The following CACNA2D3 variants were observed in gnomAD, a reference collection of about 807,000 sequenced individuals.
CACNA2D3 encodes the protein calcium voltage-gated channel auxiliary subunit alpha2delta 3.
Under a neutral mutation model 160.6 loss-of-function variants are expected in CACNA2D3, and 60 were observed. The observed-to-expected ratio is 0.37, with a 90% CI of 0.30 to 0.46. The LOEUF (loss-of-function observed/expected upper bound fraction) is 0.46. Ranked by LOEUF, CACNA2D3 falls within the 20% of genes least tolerant of loss-of-function variation. The probability of loss-of-function intolerance (pLI) is 1.00; values close to 1 mark genes in which losing one functional copy is unlikely to be tolerated. For synonymous variants in CACNA2D3, 558 were observed against 492.9 expected (o/e 1.13, Z -1.75); for missense variants, 1,205 against 1,365.0 (o/e 0.88, Z 1.85).
intron 2 of CACNA2D3, among the ~76,000 whole-genome samples, chr3:54,223,229 G>C (rs193061721): frequency 2.9e-4 from 44 of 152,342 alleles, no homozygotes; most frequent in Admixed American, 1.8e-3. Flanking sequence ...ACATTGTAAA[G>C]TGTACTAAAC....
intron 27 of CACNA2D3, among the ~76,000 whole-genome samples, chr3:54,930,538 A>G (rs755928195): frequency 7.2e-5 from 11 of 152,236 alleles, no homozygotes; most frequent in South Asian, 2.1e-4. Flanking sequence ...TGATCAATCT[A>G]TTGACAGCAC....
chr3:54,189,152 A>G (rs953518917), intron 2 of CACNA2D3, among the ~76,000 whole-genome samples: 22 of 152,190 alleles, frequency 1.4e-4, no homozygotes, highest in Non-Finnish European at 2.9e-4. Context: ...ATAAATCCCA[A>G]TCTTTTCATT....
In CACNA2D3 at chr3:54,861,179, A is replaced by T. The variant is rs573244197; in HGVS notation, c.1627-10360A>T. On this transcript the variant is annotated intron_variant, in intron 17 of 37. Transcript: ENST00000474759. ...ATGTGATGGCTGGGGAGATAGGGCC[A>T]TGGGAGGCTGAGGAGAGTATGGGAA... 2.0e-5 allele frequency among the ~76,000 whole-genome samples: 3 copies of T among 152,184 alleles called. No individual in the cohort carries two copies. The East Asian group carries it at 5.8e-4, about 30-fold the overall frequency.
intron 35 of CACNA2D3, among the ~76,000 whole-genome samples, chr3:55,061,914 T>A (rs550196685): frequency 6.6e-6 from 1 of 152,248 alleles, no homozygotes; most frequent in African/African-American, 2.4e-5. Context: ...AAGATATTTG[T>A]ACCAAAAGAA....
At chr3:54,826,511 T>G (rs1296920285) in intron 14 of CACNA2D3, among the ~76,000 whole-genome samples, 1 of 152,208 alleles carries the variant, frequency 6.6e-6, no homozygotes, top group Non-Finnish European at 1.5e-5. Context: ...TTTCCAGAAA[T>G]GACTCACGAA....
intron 10 of CACNA2D3, among the ~76,000 whole-genome samples, chr3:54,634,776 T>C (rs1699327509): frequency 6.6e-6 from 1 of 152,266 alleles, no homozygotes; most frequent in South Asian, 2.1e-4. Context: ...AGGCAAGGAC[T>C]GGCCATTTAC....
intron 11 of CACNA2D3, among the ~76,000 whole-genome samples, chr3:54,721,568 C>A (rs1701169486): frequency 6.6e-6 from 1 of 152,066 alleles, no homozygotes. Context: ...CGAGACCAGC[C>A]TGGCCAACAT....
chr3:54,893,608 A>G (rs933801549), intron 25 of CACNA2D3, among the ~76,000 whole-genome samples: 3 of 152,146 alleles, frequency 2.0e-5, no homozygotes, highest in African/African-American at 4.8e-5. Flanking sequence ...TGACTAGGGC[A>G]TGAAAGGCAG....
intron 5 of CACNA2D3, among the ~76,000 whole-genome samples, chr3:54,522,907 C>CATTTATTTATTTATTT (rs36129743): frequency 6.8e-5 from 10 of 146,324 alleles, no homozygotes; most frequent in African/African-American, 2.6e-4. Context: ...ACCAAAGCAC[C>CATTTATTTATTTATTT]ATTTATTTAT....
chr3:54,502,778 A>G (rs913605470), intron 4 of CACNA2D3, among the ~76,000 whole-genome samples: 6 of 152,220 alleles, frequency 3.9e-5, no homozygotes, highest in Admixed American at 6.5e-5. Flanking sequence ...ACCTCATAAC[A>G]TTGTTAGGAG....
rs200236523 is a variant in CACNA2D3, at chr3:54,829,988, A to AGGTTCAAGCAATTCTCTGCCTCCCG, written c.1399-7147_1399-7123dup. Among the ~76,000 whole-genome samples, 65 of 147,920 alleles carry AGGTTCAAGCAATTCTCTGCCTCCCG rather than the reference A, an allele frequency of 4.4e-4. 1 individual carries two copies. The South Asian group carries it at 0.014, about 32-fold the overall frequency. ...CAGGTCACTGCAACCTCTGCCTCCC[A>AGGTTCAAGCAATTCTCTGCCTCCCG]GGTTCAAGCAATTCTCTGCCTCCCG... On this transcript the variant is annotated intron_variant, in intron 14 of 37. Coordinates refer to ENST00000474759, the MANE Select transcript of CACNA2D3 (RefSeq NM_018398.3).
intron 35 of CACNA2D3, among the ~76,000 whole-genome samples, chr3:55,044,685 T>A (rs1704037612): frequency 6.6e-6 from 1 of 152,160 alleles, no homozygotes; most frequent in African/African-American, 2.4e-5. Context: ...ACCCTGGCCA[T>A]GTTCCCAGTT....
chr3:54,339,482 G>T (rs75524588), intron 3 of CACNA2D3, among the ~76,000 whole-genome samples: 13,256 of 151,898 alleles, frequency 0.087, 645 homozygotes, highest in Middle Eastern at 0.14. Context: ...CATAGAACTC[G>T]TCAGTATTTA....
At chr3:54,490,693 A>G (rs572207299) in intron 4 of CACNA2D3, among the ~76,000 whole-genome samples, 1 of 152,290 alleles carries the variant, frequency 6.6e-6, no homozygotes, top group South Asian at 2.1e-4. Context: ...GAATCCAGGG[A>G]TGCATAGGTG....
intron 13 of CACNA2D3, among the ~76,000 whole-genome samples, chr3:54,775,480 T>C (rs145438849): frequency 2.0e-5 from 3 of 152,160 alleles, no homozygotes; most frequent in African/African-American, 7.2e-5. Flanking sequence ...TTTTCATCTT[T>C]CCTTGCACTG....
intron 4 of CACNA2D3, among the ~76,000 whole-genome samples, chr3:54,430,793 A>G (rs1699978549): frequency 6.6e-6 from 1 of 152,170 alleles, no homozygotes; most frequent in African/African-American, 2.4e-5. Context: ...TTGACAACTA[A>G]TTCTTTAGTG....
chr3:55,040,815 C>T (rs1703943692), intron 35 of CACNA2D3, among the ~76,000 whole-genome samples: 2 of 152,140 alleles, frequency 1.3e-5, no homozygotes, highest in Admixed American at 1.3e-4. Flanking sequence ...ACAAAATGTG[C>T]ATGCACATGG....
intron 3 of CACNA2D3, among the ~76,000 whole-genome samples, chr3:54,366,584 C>T (rs1474152944): frequency 2.0e-5 from 3 of 152,086 alleles, no homozygotes; most frequent in East Asian, 1.9e-4. Context: ...CACATATGTA[C>T]TAGATTATTT....
intron 11 of CACNA2D3, among the ~76,000 whole-genome samples, chr3:54,660,651 C>G (rs1181969300): frequency 6.6e-6 from 1 of 152,172 alleles, no homozygotes; most frequent in Non-Finnish European, 1.5e-5. Flanking sequence ...ATTATCTGCC[C>G]TACTTACCTT....
Sources: allele counts gnomAD v4.1 joint callset (sites outside exome capture counted in the v4.1 genomes callset), GRCh38; gene constraint gnomAD v4.1.1; transcripts MANE v1.5; gene names NCBI Gene and HGNC (gene_info 2026-07-23, HGNC 2026-07-21).